Variants in MICALL1 observed in about 807,000 individuals in gnomAD.
The protein encoded by MICALL1 is MICAL like 1.
Under a neutral mutation model 83.7 loss-of-function variants are expected in MICALL1, and 61 were observed. The observed-to-expected ratio is 0.73, with a 90% CI of 0.59 to 0.90. MICALL1 has a LOEUF of 0.90. MICALL1 is among the 40% of genes least tolerant of loss of function. MICALL1 has a pLI of 0.00. For synonymous variants in MICALL1, 481 were observed against 473.6 expected (o/e 1.02, Z -0.20); for missense variants, 1,066 against 1,152.0 (o/e 0.93, Z 1.08).
chr22:37,919,153 A>G lies in MICALL1; in HGVS notation c.544A>G (p.Arg182Gly). The part of the protein sequence containing the change: ...HLVQRYLADG[R>G]LYHRHCFRCR... ...GGTGCAGCGCTACCTGGCTGACGGC[A>G]GGCTGTACCATCGCCACTGCTTCCG... The change falls in exon 5 of 16, where the codon AGG (arginine) becomes GGG (glycine). Residue 182 changes from arginine (R) to glycine (G), a missense_variant. Coordinates refer to ENST00000215957, the MANE Select transcript of MICALL1 (RefSeq NM_033386.4). 6.5e-7 allele frequency: 1 copy of G among 1,546,304 alleles called. No homozygotes were observed. The highest frequency in any genetic ancestry group is 8.7e-7 in the Non-Finnish European group (1 of 1,143,820).
In MICALL1 at chr22:37,940,690, T is replaced by C. The variant is rs1373105862; in HGVS notation, c.2471-19T>C. The C allele has an allele frequency of 6.2e-7, 1 of 1,613,166 alleles. No individual in the cohort carries two copies. The highest frequency in any genetic ancestry group is 8.5e-7 in the Non-Finnish European group (1 of 1,179,426). ...CCCTCTTCTCCACTTTATTAAGTGC[T>C]CCCCTCTCTGTGCTGCAGAGTTCCA... On this transcript the variant is annotated intron_variant, in intron 15 of 15. Coordinates refer to ENST00000215957, the MANE Select transcript of MICALL1 (RefSeq NM_033386.4).
In MICALL1 at chr22:37,931,821, T is replaced by G. The variant is rs1015322521; in HGVS notation, c.1904T>G (p.Phe635Cys). Residue 635 changes from phenylalanine to cysteine, a missense_variant, in exon 10 of 16, where the codon TTT becomes TGT. Transcript: ENST00000215957. Reference protein sequence around the residue: ...QVKSSCKENPFNRKPSPAASP... With the variant: ...QVKSSCKENPCNRKPSPAASP... ...TAGTCCTCCTGCAAGGAGAATCCTT[T>G]TAACCGGAAGCCATCACCTGCAGCG... 9 of 1,613,898 alleles carry G rather than the reference T, an allele frequency of 5.6e-6. No individual in the cohort carries two copies. The highest frequency in any genetic ancestry group is 7.6e-6 in the Non-Finnish European group (9 of 1,180,002).
chr22:37,924,877 C>A lies in MICALL1; in HGVS notation c.1082+160C>A, dbSNP rs1408789057. Among the ~76,000 whole-genome samples, 1 of 152,108 alleles carries A rather than the reference C, an allele frequency of 6.6e-6. No individual in the cohort carries two copies. The highest frequency in any genetic ancestry group is 6.5e-5 in the Admixed American group (1 of 15,280). ...CCCACACCCCTTCTCCTGAGGCTCA[C>A]CCCGGGATTCCTGCGGCCAGTGCCT... On this transcript the variant is annotated intron_variant, in intron 7 of 15. Coordinates refer to ENST00000215957, the MANE Select transcript of MICALL1 (RefSeq NM_033386.4). This position sits in a 1 kb window ranked among gnomAD's most constrained non-coding sequence, Gnocchi z 5.2.
Position 37,922,070 on chromosome 22 carries a change from C to G in MICALL1, c.668C>G (p.Pro223Arg), listed in dbSNP as rs768222466. The change falls in exon 6 of 16, where the codon CCG becomes CGG. Residue 223 changes from proline (P) to arginine (R), a missense_variant. Physicochemically the swap from Pro to Arg is moderately radical, Grantham distance 103. Coordinates refer to ENST00000215957, the MANE Select transcript of MICALL1 (RefSeq NM_033386.4). ...GCAGAACACTGTGCCAGGCTGGGCC[C>G]GGGGACACGGTCGGGGACCAGGCCT... The part of the protein sequence containing the change: ...VCAEHCARLG[P>R]GTRSGTRPGP... 1.9e-6 allele frequency: 3 copies of G among 1,613,394 alleles called. No homozygotes were observed. Among genetic ancestry groups the G allele is most frequent in the East Asian group, 2.2e-5 (1 of 44,868 alleles).
Position 37,932,554 on chromosome 22 carries a change from T to A in MICALL1, c.2018T>A (p.Val673Asp). The change falls in exon 11 of 16, where the codon GTC becomes GAC. Residue 673 changes from valine to aspartate, a missense_variant and splice_region_variant. By Grantham distance (152) the Val-to-Asp change is radical (BLOSUM62 -3). Transcript: ENST00000215957. This position sits in a 1 kb window ranked among gnomAD's most constrained non-coding sequence, Gnocchi z 4.4. ...GHGFPLIKRK[V>D]QADQYIPEED... ...AGGTGACCAGGCACTGTTGGGCAGGTCCAGGCTGACCAGTACATCCCTGAG... is the reference window on the plus strand; with the variant it reads ...AGGTGACCAGGCACTGTTGGGCAGGACCAGGCTGACCAGTACATCCCTGAG... The A allele has an allele frequency of 2.5e-6, 4 of 1,614,048 alleles. No individual in the cohort carries two copies. Among genetic ancestry groups the A allele is most frequent in the African/African-American group, 1.3e-5 (1 of 75,060 alleles).
At chr22:37,918,928 C>T in intron 4 of MICALL1, 108 bp from the exon 5 acceptor site, 2 of 1,329,474 alleles carry the variant, frequency 1.5e-6, no homozygotes, top group Admixed American at 2.8e-5. Flanking sequence ...AAGCCTGGTG[C>T]ACACTTGAGT....
intron 15 of MICALL1, among the ~76,000 whole-genome samples, 189 bp downstream of exon 15, chr22:37,937,981 GT>G (rs769375204): frequency 1.3e-5 from 2 of 152,198 alleles, no homozygotes. Flanking sequence ...CAGGAAGGCT[GT>G]GGCTTAGGCT....
intron 6 of MICALL1, among the ~76,000 whole-genome samples, chr22:37,922,866 T>C (rs1471640615): frequency 5.0e-5 from 7 of 138,864 alleles, no homozygotes; most frequent in African/African-American, 1.8e-4. Flanking sequence ...TTGAACTCCC[T>C]ACCTCAGGTG....
Position 37,932,439 on chromosome 22 carries a change from G to A in MICALL1, c.2017-114G>A. On this transcript the variant is annotated intron_variant, in intron 10 of 15. Coordinates refer to ENST00000215957, the MANE Select transcript of MICALL1 (RefSeq NM_033386.4). This position sits in a 1 kb window ranked among gnomAD's most constrained non-coding sequence, Gnocchi z 4.4. ...CCCTGCCTTCTTACCATGCTGGGGT[G>A]GGGGACAGGGCCCGGGCCCTGGAGC... is the stretch of plus-strand genomic sequence containing the variant. 4 of 1,494,364 alleles carry A rather than the reference G, an allele frequency of 2.7e-6. No individual in the cohort carries two copies. The highest frequency in any genetic ancestry group is 1.3e-5 in the South Asian group (1 of 76,514). The allele number at this position is 1,494,364 out of a possible 1,614,324, so 92.6% of individuals were successfully genotyped here.
Position 37,924,556 on chromosome 22 carries a change from A to G in MICALL1, c.1025-104A>G. 3.6e-6 allele frequency: 4 copies of G among 1,118,480 alleles called. No individual in the cohort carries two copies. The highest frequency in any genetic ancestry group is 5.2e-6 in the Non-Finnish European group (4 of 765,952). 69.3% of individuals were successfully genotyped at this position (1,118,480 alleles called of 1,614,324 possible). A position where few individuals can be genotyped will look rare whatever the true frequency, so the allele number is the denominator to read the frequency against. On this transcript the variant is annotated intron_variant, in intron 6 of 15. Coordinates refer to ENST00000215957, the MANE Select transcript of MICALL1 (RefSeq NM_033386.4). This position sits in a 1 kb window ranked among gnomAD's most constrained non-coding sequence, Gnocchi z 5.2. ...CCTGGGGAGGTGCGAGGGTGCCAGGAGGAAGGCGGGGCGCTCCTGGGGAGG... is the reference window on the plus strand; with the variant it reads ...CCTGGGGAGGTGCGAGGGTGCCAGGGGGAAGGCGGGGCGCTCCTGGGGAGG...
chr22:37,914,227 CTTTCTTTTTTTTTTTT>C (rs1928524148), intron 3 of MICALL1, among the ~76,000 whole-genome samples: 1 of 124,490 alleles, frequency 8.0e-6, no homozygotes, highest in Admixed American at 8.3e-5. Flanking sequence ...CTTTTCTTTT[CTTTCTTTTTTTTTTTT>C]GAAATGGAGT....
intron 9 of MICALL1, among the ~76,000 whole-genome samples, 167 bp from the exon 10 acceptor site, chr22:37,931,632 G>T (rs1282605897): frequency 1.3e-5 from 2 of 152,168 alleles, no homozygotes; most frequent in Non-Finnish European, 2.9e-5. Context: ...AATGTTTATT[G>T]AATGACTGAG....
Position 37,922,080 on chromosome 22 carries a change from G to A in MICALL1, c.678G>A (p.Arg226=), listed in dbSNP as rs1601817436. The A allele has an allele frequency of 1.9e-6, 3 of 1,613,454 alleles. No individual in the cohort carries two copies. The highest frequency in any genetic ancestry group is 2.5e-6 in the Non-Finnish European group (3 of 1,180,002). The change falls in exon 6 of 16, where the codon CGG becomes CGA. Residue 226 remains arginine, a synonymous_variant. Transcript: ENST00000215957. ...GTGCCAGGCTGGGCCCGGGGACACG[G>A]TCGGGGACCAGGCCTGGGCCCTTCT... ...EHCARLGPGT[R]SGTRPGPFSQ... is the part of the protein sequence containing the mutation.
chr22:37,940,290 G>A (rs1930364368), intron 15 of MICALL1, among the ~76,000 whole-genome samples: 1 of 151,860 alleles, frequency 6.6e-6, no homozygotes, highest in Admixed American at 6.6e-5. Flanking sequence ...GGGCGTGGTG[G>A]CACCTGCCTG....
In MICALL1 at chr22:37,924,713, G is replaced by T; in HGVS notation, c.1078G>T (p.Glu360Ter). Residue 360 changes from glutamate (E) to a stop codon, truncating the protein, a stop_gained, in exon 7 of 16, where the codon GAG (glutamate) becomes TAG (stop). Transcript: ENST00000215957. LOFTEE classifies it high-confidence loss of function. This position sits in a 1 kb window ranked among gnomAD's most constrained non-coding sequence, Gnocchi z 5.2. ...GCCGAGGGGGACACCGAAGCCGTCCGAGGGGTATGTCGATCCCTGAGGGGC... is the reference window on the plus strand; with the variant it reads ...GCCGAGGGGGACACCGAAGCCGTCCTAGGGGTATGTCGATCCCTGAGGGGC... The part of the protein sequence containing the change: ...PKPRGTPKPS[E>*]GTPAPRKDPP... 1 of 1,612,370 alleles carries T rather than the reference G, an allele frequency of 6.2e-7. No homozygotes were observed. The highest frequency in any genetic ancestry group is 8.5e-7 in the Non-Finnish European group (1 of 1,179,112).
intron 8 of MICALL1, 62 bp from the exon 9 acceptor site, chr22:37,927,349 G>T (rs1376055131): frequency 6.8e-7 from 1 of 1,465,092 alleles, no homozygotes; most frequent in Non-Finnish European, 9.0e-7. Flanking sequence ...GGAGCCGGGA[G>T]GTGGGGCTGG....
At chr22:37,933,503 C>T (rs1929915878) in intron 13 of MICALL1, among the ~76,000 whole-genome samples, 1 of 152,160 alleles carries the variant, frequency 6.6e-6, no homozygotes, top group African/African-American at 2.4e-5. Context: ...CCTCACTGAG[C>T]CTCAGTGGCT....
chr22:37,914,645 A>AT (rs1928563448), intron 3 of MICALL1, among the ~76,000 whole-genome samples: 1 of 150,368 alleles, frequency 6.7e-6, no homozygotes, highest in African/African-American at 2.4e-5. Flanking sequence ...ATATATGTGT[A>AT]TTTTTTTTGA....
Position 37,942,241 on chromosome 22 carries a change from C to G in MICALL1, c.*1411C>G, listed in dbSNP as rs1569153457. The stretch of plus-strand genomic sequence containing the variant: ...GGCTCCTTCTAAACATGCCTGTTGA[C>G]CTGGAGCTGGCGCCACCAACTCCAG... On this transcript the variant is annotated 3_prime_UTR_variant, in exon 16 of 16. Transcript: ENST00000215957. 6.6e-6 allele frequency: 1 copy of G among 152,278 alleles called. No individual in the cohort carries two copies. Among genetic ancestry groups the G allele is most frequent in the Non-Finnish European group, 1.5e-5 (1 of 68,066 alleles). 9.4% of individuals were successfully genotyped at this position (152,278 alleles called of 1,614,324 possible).
Sources: allele counts gnomAD v4.1 joint callset (sites outside exome capture counted in the v4.1 genomes callset), GRCh38; gene constraint gnomAD v4.1.1; non-coding constraint Gnocchi (gnomAD v3.1); transcripts MANE v1.5; gene names NCBI Gene and HGNC (gene_info 2026-07-23, HGNC 2026-07-21).